Variants in MCF2L observed in about 807,000 individuals in gnomAD.
The protein encoded by MCF2L is MCF.2 cell line derived transforming sequence like, also known as guanine nucleotide exchange factor DBS.
Under a neutral mutation model 153.4 loss-of-function variants are expected in MCF2L, and 97 were observed. The observed-to-expected ratio is 0.63, with a 90% confidence interval of 0.54 to 0.75. The LOEUF (loss-of-function observed/expected upper bound fraction) is 0.75. Among genes scored for constraint, MCF2L ranks in the 30% least tolerant of loss-of-function variants. MCF2L has a pLI of 0.00. For synonymous variants in MCF2L, 659 were observed against 632.2 expected (o/e 1.04, Z -0.64); for missense variants, 1,347 against 1,495.2 (o/e 0.90, Z 1.64).
In MCF2L at chr13:112,972,604, G is replaced by A. The variant is rs546341516; in HGVS notation, c.79+3146G>A. Among the ~76,000 whole-genome samples the A allele has an allele frequency of 1.1e-4, 16 of 149,776 alleles. No homozygotes were observed. The South Asian group carries it at 3.5e-3, about 32-fold the overall frequency. ...TAGATGGATGGATGAGTGGATGCTT[G>A]GACGGATGAGTGGATGGATGGATGG... is the stretch of plus-strand genomic sequence containing the variant. On this transcript the variant is annotated intron_variant, in intron 1 of 29. Transcript: ENST00000535094.
At chr13:112,999,945 C>T (rs1292905335) in intron 1 of MCF2L, among the ~76,000 whole-genome samples, 8 of 95,532 alleles carry the variant, frequency 8.4e-5, no homozygotes, top group African/African-American at 1.2e-4. Flanking sequence ...ATGAAGACAC[C>T]GGAGGGCCCC....
intron 2 of MCF2L, among the ~76,000 whole-genome samples, chr13:113,019,120 C>T (rs751872577): frequency 2.6e-4 from 39 of 152,246 alleles, no homozygotes; most frequent in Non-Finnish European, 3.4e-4. Flanking sequence ...TCCTGCCTTG[C>T]CCCTTCTCCC....
intron 3 of MCF2L, among the ~76,000 whole-genome samples, chr13:113,036,392 CAG>C (rs1282098872): frequency 7.9e-5 from 12 of 152,244 alleles, no homozygotes; most frequent in African/African-American, 2.9e-4. Context: ...TTAGGGATCA[CAG>C]ATGTGCTTGG....
chr13:113,071,556 G>A (rs1331084302), intron 9 of MCF2L, among the ~76,000 whole-genome samples: 1 of 152,130 alleles, frequency 6.6e-6, no homozygotes, highest in African/African-American at 2.4e-5. Context: ...TTTGTATAAG[G>A]TATGAGAATT....
rs1169186926 is a variant in MCF2L, at chr13:113,054,157, G to T, written c.370-6436G>T. 1 of 167,030 alleles carries T rather than the reference G, an allele frequency of 6.0e-6. No homozygotes were observed. The highest frequency in any genetic ancestry group is 1.5e-5 in the Non-Finnish European group (1 of 68,138). The allele number at this position is 167,030 out of a possible 1,614,324, so 10.3% of individuals were successfully genotyped here. On this transcript the variant is annotated intron_variant, in intron 4 of 29. Transcript: ENST00000535094. The surrounding 1 kb of genome is among the most constrained non-coding windows in gnomAD (Gnocchi z 5.2). ...TTTTCATAGTAGTCCCCACCCAAAT[G>T]TCATTCGAGTCCAATCTCAGGATCC...
rs111486480 is a variant in MCF2L, at chr13:112,993,434, G to T, written c.80-21329G>T. ...TATGTGAAATGAGACTCAGCTTTCA[G>T]CAAGGAAATCAGGGAGCAGGTGGCA... is the stretch of plus-strand genomic sequence containing the variant. On this transcript the variant is annotated intron_variant, in intron 1 of 29. Transcript: ENST00000535094. This position sits in a 1 kb window ranked among gnomAD's most constrained non-coding sequence, Gnocchi z 4.6. Among the ~76,000 whole-genome samples, 13 of 152,294 alleles carry T rather than the reference G, an allele frequency of 8.5e-5. No individual in the cohort carries two copies. The highest frequency in any genetic ancestry group is 3.1e-4 in the African/African-American group (13 of 41,560).
chr13:112,938,060 G>A (rs78509670), intron 2 of MCF2L, among the ~76,000 whole-genome samples: 2 of 106,884 alleles, frequency 1.9e-5, no homozygotes, highest in South Asian at 3.3e-4. Flanking sequence ...TCAGGTAAGC[G>A]CTGAGTGGCT....
chr13:113,064,837 G>C lies in MCF2L; in HGVS notation c.607-99G>C. ...TTGCGTCAGCCGGTCTCACCTGATGGGTCTGTGTGGGAACGGTTTCCGCCG... is the reference window on the plus strand; with the variant it reads ...TTGCGTCAGCCGGTCTCACCTGATGCGTCTGTGTGGGAACGGTTTCCGCCG... On this transcript the variant is annotated intron_variant, in intron 6 of 29. Coordinates refer to ENST00000535094, the MANE Select transcript of MCF2L (RefSeq NM_001112732.3). This position sits in a 1 kb window ranked among gnomAD's most constrained non-coding sequence, Gnocchi z 6.0. 1 of 1,372,878 alleles carries C rather than the reference G, an allele frequency of 7.3e-7. No homozygotes were observed. Among genetic ancestry groups the C allele is most frequent in the Non-Finnish European group, 1.0e-6 (1 of 1,001,554 alleles). The allele number at this position is 1,372,878 out of a possible 1,614,324, so 85.0% of individuals were successfully genotyped here.
chr13:113,026,870 G>T lies in MCF2L; in HGVS notation c.278+2112G>T, dbSNP rs376704623. On this transcript the variant is annotated intron_variant, in intron 3 of 29. Transcript: ENST00000535094. ...GAGCCCAGTTCTGTGTCTCCCCAGCGGCGGGCAGGAGAGCAGCATCAGGCC... is the reference window on the plus strand; with the variant it reads ...GAGCCCAGTTCTGTGTCTCCCCAGCTGCGGGCAGGAGAGCAGCATCAGGCC... 34 of 738,566 alleles carry T rather than the reference G, an allele frequency of 4.6e-5. No individual in the cohort carries two copies. The African/African-American group carries it at 5.0e-4, about 11-fold the overall frequency. 45.8% of individuals were successfully genotyped at this position (738,566 alleles called of 1,614,324 possible). A position where few individuals can be genotyped will look rare whatever the true frequency, so the allele number is the denominator to read the frequency against.
In MCF2L at chr13:113,046,426, G is replaced by A. The variant is rs2086817655; in HGVS notation, c.369+1065G>A. The stretch of plus-strand genomic sequence containing the variant: ...CCAGCACCAAACCCCAGTGAAGTCA[G>A]ATTCTCCCAGTGAAGTCAGATTCTC... On this transcript the variant is annotated intron_variant, in intron 4 of 29. Transcript: ENST00000535094. The surrounding 1 kb of genome is among the most constrained non-coding windows in gnomAD (Gnocchi z 4.4). The A allele has an allele frequency of 2.2e-6, 1 of 450,278 alleles. No homozygotes were observed. The highest frequency in any genetic ancestry group is 4.4e-6 in the Non-Finnish European group (1 of 227,352). 27.9% of individuals were successfully genotyped at this position (450,278 alleles called of 1,614,324 possible).
At chr13:113,011,645 C>T (rs1238263218) in intron 1 of MCF2L, among the ~76,000 whole-genome samples, 2 of 79,236 alleles carry the variant, frequency 2.5e-5, no homozygotes, top group East Asian at 3.8e-4. Context: ...GGTGGACAGG[C>T]AGTGTGGACG....
rs549115559 is a variant in MCF2L at position 112,917,199 on chromosome 13, C to T, written c.169+14828C>T. 272 of 470,832 alleles carry T rather than the reference C, an allele frequency of 5.8e-4. 2 individuals carry two copies. The highest frequency in any genetic ancestry group is 3.8e-3 in the South Asian group (242 of 64,514). The allele number at this position is 470,832 out of a possible 1,614,324, so 29.2% of individuals were successfully genotyped here. On this transcript the variant is annotated intron_variant, in intron 2 of 29. Transcript: ENST00000375608. The stretch of plus-strand genomic sequence containing the variant: ...ACAGCTCCAGTCCGGACCCCTCCCC[C>T]GGGCACTGCACCGCCCTGCCTCCGC...
chr13:113,077,253 C>T (rs773901322), intron 13 of MCF2L, 42 bp downstream of exon 13: 15 of 1,474,134 alleles, frequency 1.0e-5, no homozygotes, highest in Middle Eastern at 4.4e-4. Flanking sequence ...GTGGGACCCT[C>T]GGGGGAGCCC....
At chr13:112,985,836 T>G (rs2082615595) in intron 1 of MCF2L, among the ~76,000 whole-genome samples, 1 of 152,086 alleles carries the variant, frequency 6.6e-6, no homozygotes, top group Non-Finnish European at 1.5e-5. Flanking sequence ...TGGCTGCAGG[T>G]GCAGGACAGA....
intron 23 of MCF2L, 48 bp downstream of exon 23, chr13:113,087,847 G>T: frequency 6.7e-7 from 1 of 1,489,578 alleles, no homozygotes. Context: ...GCCACGAATG[G>T]TTTCTCATGG....
intron 2 of MCF2L, among the ~76,000 whole-genome samples, chr13:112,914,002 T>C (rs906840879): frequency 3.3e-5 from 5 of 152,202 alleles, no homozygotes; most frequent in Admixed American, 1.3e-4. Flanking sequence ...CGTTGGGACG[T>C]AATTCCCCGT....
chr13:113,063,464 C>A, intron 5 of MCF2L, among the ~76,000 whole-genome samples: 1 of 105,836 alleles, frequency 9.4e-6, no homozygotes, highest in Middle Eastern at 4.8e-3. Context: ...TCCACACAGC[C>A]GCCCACAGCG....
chr13:113,026,929 C>A (rs9549343), intron 3 of MCF2L: 290,076 of 772,420 alleles, frequency 0.38, 55,922 homozygotes, highest in South Asian at 0.47. Context: ...AGGGGTGCCG[C>A]GGGGGTCTCT....
intron 1 of MCF2L, among the ~76,000 whole-genome samples, chr13:112,994,331 C>T (rs936150763): frequency 3.3e-5 from 5 of 151,624 alleles, no homozygotes; most frequent in African/African-American, 4.9e-5. Context: ...CTGTCTGTGC[C>T]GGTGTCTCGG....
Sources: allele counts gnomAD v4.1 joint callset (sites outside exome capture counted in the v4.1 genomes callset), GRCh38; gene constraint gnomAD v4.1.1; non-coding constraint Gnocchi (gnomAD v3.1); transcripts MANE v1.5; gene names NCBI Gene and HGNC (gene_info 2026-07-23, HGNC 2026-07-21).